The following SPG11 variants were observed in gnomAD, a reference collection of about 807,000 sequenced individuals.
SPG11 encodes spatacsin.
In SPG11, 222 loss-of-function variants were observed where a neutral mutation model predicts 274.0. The observed-to-expected ratio is 0.81, with a 90% confidence interval of 0.73 to 0.91. SPG11 has a LOEUF of 0.91. SPG11 is among the 40% of genes least tolerant of loss of function. The probability of loss-of-function intolerance (pLI) is 0.00; values close to 1 mark genes in which losing one functional copy is unlikely to be tolerated. For synonymous variants in SPG11, 1,144 were observed against 1,039.7 expected, an observed-to-expected ratio of 1.10 and a Z score of -1.93; for missense variants, 3,114 against 2,872.7, an observed-to-expected ratio of 1.08 and a Z score of -1.92.
At chr15:44,589,871 T>C (rs971963343) in intron 27 of SPG11, among the ~76,000 whole-genome samples, 4 of 152,248 alleles carry the variant, frequency 2.6e-5, no homozygotes, top group Admixed American at 6.5e-5. Context: ...AGTGGTGCAA[T>C]CTTGGCTCAC....
Position 44,584,228 on chromosome 15 carries a change from T to C in SPG11, c.5452A>G (p.Thr1818Ala), listed in dbSNP as rs1324549354. 2 of 1,614,202 alleles carry C rather than the reference T, an allele frequency of 1.2e-6. No individual in the cohort carries two copies. The highest frequency in any genetic ancestry group is 1.7e-6 in the Non-Finnish European group (2 of 1,180,030). Reference protein sequence around the residue: ...QHTLGRNQEETEPRFSRQIST... With the variant: ...QHTLGRNQEEAEPRFSRQIST... ...ATCTGTCGAGAAAATCTGGGCTCTG[T>C]TTCCTCCTGATTTCTTCCAAGAGTG... is the stretch of plus-strand genomic sequence containing the variant. Residue 1818 changes from threonine to alanine, a missense_variant, in exon 30 of 40, where the codon ACA becomes GCA. Coordinates refer to ENST00000261866, the MANE Select transcript of SPG11 (RefSeq NM_025137.4).
intron 14 of SPG11, chr15:44,621,344 TAAAC>T (rs1486096273): frequency 1.3e-5 from 2 of 156,878 alleles, no homozygotes; most frequent in African/African-American, 4.8e-5. Context: ...TTAAAAATAA[TAAAC>T]AAACAAAAAC....
At chr15:44,631,231 A>C (rs1452965683) in intron 8 of SPG11, among the ~76,000 whole-genome samples, 2 of 152,202 alleles carry the variant, frequency 1.3e-5, no homozygotes, top group Non-Finnish European at 2.9e-5. Context: ...GAATAAATCT[A>C]AATGTCTAAC....
chr15:44,563,204 C>A lies in SPG11; in HGVS notation c.7249G>T (p.Glu2417Ter), dbSNP rs371313584. ...TTTACAATTTCATAAAACTTGTGTT[C>A]GTATGCCAACTTGTAATACAGGTAA... The part of the protein sequence containing the change: ...DVYLYYKLAY[E>*]HKFYEIVNVL... Residue 2417 changes from glutamate (E) to a stop codon, truncating the protein, a stop_gained, in exon 40 of 40, where the codon GAA becomes TAA. Coordinates refer to ENST00000261866, the MANE Select transcript of SPG11 (RefSeq NM_025137.4). LOFTEE classifies it high-confidence loss of function. 17 of 1,614,082 alleles carry A rather than the reference C, an allele frequency of 1.1e-5. No homozygotes were observed. Among genetic ancestry groups the A allele is most frequent in the Non-Finnish European group, 1.4e-5 (17 of 1,179,984 alleles).
At chr15:44,575,229 C>G in intron 30 of SPG11, 188 bp from the exon 31 acceptor site, 1 of 646,182 alleles carries the variant, frequency 1.5e-6, no homozygotes, top group Non-Finnish European at 2.6e-6. Context: ...GGAAATCCCA[C>G]CCTGGGATAC....
chr15:44,597,106 GA>G, intron 23 of SPG11, 163 bp from the exon 24 acceptor site: 1 of 408,834 alleles, frequency 2.4e-6, no homozygotes, highest in East Asian at 5.3e-5. Flanking sequence ...GAAAAAAGTA[GA>G]TTCTTTTTTT....
chr15:44,604,606 T>C (rs1356413519), intron 20 of SPG11, among the ~76,000 whole-genome samples: 4 of 152,092 alleles, frequency 2.6e-5, no homozygotes, highest in African/African-American at 9.7e-5. Context: ...GAAGTCAACA[T>C]TCAAATTAAA....
intron 17 of SPG11, among the ~76,000 whole-genome samples, chr15:44,612,315 GA>G (rs1291292519): frequency 2.6e-5 from 4 of 152,120 alleles, no homozygotes; most frequent in Admixed American, 1.3e-4. Flanking sequence ...AAGATAACTG[GA>G]ACAAAATACA....
At chr15:44,569,364 C>CACTT (rs1567128414) in intron 35 of SPG11, 34 bp downstream of exon 35, 1 of 1,424,122 alleles carries the variant, frequency 7.0e-7, no homozygotes, top group Non-Finnish European at 9.8e-7. Flanking sequence ...ATCAGCAGTA[C>CACTT]ACCCCATCCT....
chr15:44,575,874 G>T (rs1048815064), intron 30 of SPG11, among the ~76,000 whole-genome samples: 3 of 152,094 alleles, frequency 2.0e-5, no homozygotes, highest in Admixed American at 6.5e-5. Context: ...CGGGTGCGGT[G>T]GCTCACGCCT....
chr15:44,630,923 A>G (rs1451370074), intron 8 of SPG11, among the ~76,000 whole-genome samples: 1 of 152,072 alleles, frequency 6.6e-6, no homozygotes, highest in Non-Finnish European at 1.5e-5. Flanking sequence ...CACATATGAG[A>G]TTTAGGAAGA....
intron 28 of SPG11, among the ~76,000 whole-genome samples, chr15:44,586,668 G>T (rs532424810): frequency 6.6e-6 from 1 of 151,998 alleles, no homozygotes; most frequent in South Asian, 2.1e-4. Flanking sequence ...AACTGTTAGA[G>T]ATTAGCACAT....
chr15:44,646,055 T>C (rs1453635290), intron 7 of SPG11, among the ~76,000 whole-genome samples: 1 of 152,146 alleles, frequency 6.6e-6, no homozygotes, highest in African/African-American at 2.4e-5. Flanking sequence ...GCTCAGCCAA[T>C]GTGGAAAGCA....
intron 25 of SPG11, 148 bp from the exon 26 acceptor site, chr15:44,595,607 A>C: frequency 1.1e-6 from 1 of 879,912 alleles, no homozygotes; most frequent in Non-Finnish European, 1.8e-6. Flanking sequence ...AAACAAACTA[A>C]TGAGCAACCA....
At position 44,569,314 on chromosome 15, in the gene SPG11, G is replaced by A. The variant is rs1355332815; in HGVS notation, c.6585+84C>T. 6.9e-6 allele frequency: 7 copies of A among 1,014,166 alleles called. No homozygotes were observed. In the East Asian group the frequency reaches 1.8e-4, roughly 26 times the overall value. The allele number at this position is 1,014,166 out of a possible 1,614,324, so 62.8% of individuals were successfully genotyped here. Reference sequence around the variant, plus strand: ...CTCCATTTTCCCAAGAGTCTACCCTGACTGAGATTATTCCTGAGAAAAGCT... The same window carrying A: ...CTCCATTTTCCCAAGAGTCTACCCTAACTGAGATTATTCCTGAGAAAAGCT... On this transcript the variant is annotated intron_variant, in intron 35 of 39. Coordinates refer to ENST00000261866, the MANE Select transcript of SPG11 (RefSeq NM_025137.4).
Position 44,606,011 on chromosome 15 carries a change from C to T in SPG11, c.3520+14G>A, listed in dbSNP as rs1198359789. 3.7e-6 allele frequency: 6 copies of T among 1,609,640 alleles called. No individual in the cohort carries two copies. In the Admixed American group the frequency reaches 8.3e-5, roughly 22 times the overall value. On this transcript the variant is annotated intron_variant, in intron 20 of 39. Coordinates refer to ENST00000261866, the MANE Select transcript of SPG11 (RefSeq NM_025137.4). ...TGCTAAAACATGTCTCAAGAAGTAC[C>T]CATGATGACTTACCTCCTATAGCTA...
chr15:44,571,267 T>C, intron 33 of SPG11, among the ~76,000 whole-genome samples: 1 of 152,182 alleles, frequency 6.6e-6, no homozygotes, highest in Non-Finnish European at 1.5e-5. Context: ...TAAGCATCCC[T>C]GACAATGAAT....
chr15:44,571,430 T>C (rs2082421094), intron 33 of SPG11, among the ~76,000 whole-genome samples: 1 of 152,062 alleles, frequency 6.6e-6, no homozygotes, highest in African/African-American at 2.4e-5. Flanking sequence ...AAGTTGGCAC[T>C]CAGTAAATAC....
intron 1 of SPG11, 108 bp downstream of exon 1, chr15:44,663,283 C>T (rs1260104188): frequency 6.9e-7 from 1 of 1,454,394 alleles, no homozygotes; most frequent in Non-Finnish European, 9.4e-7. Context: ...ACCCTTCTCC[C>T]GCCACCTCTA....
Sources: allele counts gnomAD v4.1 joint callset (sites outside exome capture counted in the v4.1 genomes callset), GRCh38; gene constraint gnomAD v4.1.1; transcripts MANE v1.5; gene names NCBI Gene and HGNC (gene_info 2026-07-23, HGNC 2026-07-21).